The following SHC4 variants were observed in gnomAD, a reference collection of about 807,000 sequenced individuals.
SHC4 encodes SHC-transforming protein 4.
Under a neutral mutation model 69.4 loss-of-function variants are expected in SHC4, and 41 were observed. The observed-to-expected ratio is 0.59, with a 90% CI of 0.46 to 0.77. The LOEUF (loss-of-function observed/expected upper bound fraction) is 0.77. Among genes scored for constraint, SHC4 ranks in the 30% least tolerant of loss-of-function variants. SHC4 has a pLI of 0.00. For synonymous variants in SHC4, 318 were observed against 299.3 expected (o/e 1.06, Z -0.64); for missense variants, 777 against 783.8 (o/e 0.99, Z 0.10).
intron 10 of SHC4, among the ~76,000 whole-genome samples, chr15:48,836,452 A>G (rs541529903): frequency 2.4e-4 from 37 of 152,308 alleles, no homozygotes; most frequent in Admixed American, 1.2e-3. Flanking sequence ...ATAATGTAAA[A>G]TTCTTATGTC....
At chr15:48,836,600 C>A (rs190289630) in intron 10 of SHC4, among the ~76,000 whole-genome samples, 131 of 151,502 alleles carry the variant, frequency 8.6e-4, no homozygotes, top group African/African-American at 3.0e-3. Context: ...AGAAACCAGT[C>A]TTTATCTTTA....
chr15:48,953,029 G>T (rs1901390544), intron 1 of SHC4, among the ~76,000 whole-genome samples: 1 of 152,158 alleles, frequency 6.6e-6, no homozygotes, highest in East Asian at 1.9e-4. Context: ...ATGAAGATCA[G>T]TGATAGACTG....
intron 9 of SHC4, among the ~76,000 whole-genome samples, chr15:48,847,541 T>C (rs1899115958): frequency 1.3e-5 from 2 of 152,332 alleles, no homozygotes; most frequent in South Asian, 4.1e-4. Context: ...GAAGTCAATA[T>C]TTGAATAAAT....
At chr15:48,860,960 G>A (rs1044887068) in intron 6 of SHC4, among the ~76,000 whole-genome samples, 6 of 152,216 alleles carry the variant, frequency 3.9e-5, no homozygotes, top group African/African-American at 1.4e-4. Flanking sequence ...AGAAATGAAT[G>A]AATCAATCAG....
chr15:48,880,969 T>A, intron 4 of SHC4, among the ~76,000 whole-genome samples: 1 of 141,672 alleles, frequency 7.1e-6, no homozygotes, highest in African/African-American at 2.7e-5. Flanking sequence ...GAGGACTAAA[T>A]GATGATGTGT....
intron 1 of SHC4, among the ~76,000 whole-genome samples, chr15:48,950,757 A>G (rs1901352926): frequency 6.6e-6 from 1 of 152,158 alleles, no homozygotes; most frequent in South Asian, 2.1e-4. Context: ...GGGAGGCACC[A>G]TTCACTGAGT....
chr15:48,879,994 A>G (rs895708820), intron 4 of SHC4: 1 of 167,120 alleles, frequency 6.0e-6, no homozygotes, highest in East Asian at 1.9e-4. Flanking sequence ...AACCTGCCCT[A>G]TCAATGAGTA....
chr15:48,849,631 C>T (rs1899168570), intron 9 of SHC4, among the ~76,000 whole-genome samples: 1 of 152,114 alleles, frequency 6.6e-6, no homozygotes, highest in Non-Finnish European at 1.5e-5. Flanking sequence ...TCCAAGTGAG[C>T]TTCAGTACAG....
rs578020960 is a variant in SHC4 at position 48,959,957 on chromosome 15, T to C, written c.585+2474A>G. On this transcript the variant is annotated intron_variant, in intron 1 of 11. Transcript: ENST00000332408. ...GGGGTTTGGTTTCACCATTAAGGAA[T>C]TGACCTTGATAACTTCTGAGTCTTC... 3.9e-5 allele frequency among the ~76,000 whole-genome samples: 6 copies of C among 152,366 alleles called. No homozygotes were observed. The South Asian group carries it at 6.2e-4, about 16-fold the overall frequency.
At chr15:48,842,543 G>A (rs1278995531) in intron 10 of SHC4, among the ~76,000 whole-genome samples, 1 of 152,176 alleles carries the variant, frequency 6.6e-6, no homozygotes, top group Non-Finnish European at 1.5e-5. Flanking sequence ...AAGGATGGAG[G>A]TAAAGAAAGA....
chr15:48,865,120 A>C (rs1383750627), intron 6 of SHC4, among the ~76,000 whole-genome samples: 2 of 152,166 alleles, frequency 1.3e-5, no homozygotes, highest in African/African-American at 4.8e-5. Flanking sequence ...TGCACATCTT[A>C]TGGATTATGT....
intron 1 of SHC4, chr15:48,945,904 T>G (rs1263022299): frequency 6.6e-6 from 1 of 152,160 alleles, no homozygotes; most frequent in Admixed American, 6.6e-5. Context: ...AAACCATAGA[T>G]CTAGAAAAAA....
chr15:48,887,889 T>C (rs554425936), intron 3 of SHC4, among the ~76,000 whole-genome samples: 12 of 152,266 alleles, frequency 7.9e-5, no homozygotes, highest in African/African-American at 2.9e-4. Context: ...TGCCAACAAA[T>C]TGGAGAATCT....
At chr15:48,896,423 C>T (rs145025267) in intron 2 of SHC4, among the ~76,000 whole-genome samples, 339 of 151,822 alleles carry the variant, frequency 2.2e-3, no homozygotes, top group African/African-American at 7.9e-3. Flanking sequence ...AGGGTTCAAG[C>T]GATTCTCCTG....
At position 48,963,308 on chromosome 15, in the gene SHC4, G is replaced by A. The variant is rs1183798031; in HGVS notation, c.-293C>T. The stretch of plus-strand genomic sequence containing the variant: ...CCTAGACCCAGGCTCCCGGCGGCGC[G>A]GGTCGCTCACGGCCAACTCTTAGGC... On this transcript the variant is annotated 5_prime_UTR_variant, in exon 1 of 12. Transcript: ENST00000332408. 2.8e-6 allele frequency: 1 copy of A among 362,198 alleles called. No homozygotes were observed. 22.4% of individuals were successfully genotyped at this position (362,198 alleles called of 1,614,324 possible).
At chr15:48,918,344 A>T (rs1399986786) in intron 2 of SHC4, among the ~76,000 whole-genome samples, 1 of 152,192 alleles carries the variant, frequency 6.6e-6, no homozygotes, top group Non-Finnish European at 1.5e-5. Flanking sequence ...AAACTGGCTC[A>T]TTCAACAATG....
At chr15:48,957,725 C>A (rs1309620077) in intron 1 of SHC4, among the ~76,000 whole-genome samples, 2 of 152,168 alleles carry the variant, frequency 1.3e-5, no homozygotes, top group Non-Finnish European at 2.9e-5. Context: ...AAGTCTTAAC[C>A]CTCAGAACCT....
rs539965237 is a variant in SHC4 at position 48,935,062 on chromosome 15, G to T, written c.586-10113C>A. On this transcript the variant is annotated intron_variant, in intron 1 of 11. Transcript: ENST00000332408. ...ATTGAATTGTATACTTTAAATGGGT[G>T]AATTATATGGTATGTGAATTACATC... Among the ~76,000 whole-genome samples, 14 of 152,240 alleles carry T rather than the reference G, an allele frequency of 9.2e-5. No homozygotes were observed. The South Asian group carries it at 2.7e-3, about 29-fold the overall frequency.
At chr15:48,885,908 TA>T (rs1236632514) in intron 3 of SHC4, among the ~76,000 whole-genome samples, 3 of 152,228 alleles carry the variant, frequency 2.0e-5, no homozygotes, top group African/African-American at 7.2e-5. Context: ...TGATTTTATT[TA>T]ACAGCAAGCT....
Sources: gnomAD v4.1 joint callset for allele counts (sites outside exome capture counted in the v4.1 genomes callset) on GRCh38, gnomAD v4.1.1 for gene constraint, MANE v1.5 for transcripts, NCBI Gene and HGNC (gene_info 2026-07-23, HGNC 2026-07-21) for gene names.